USH2A: variants seen among roughly 807,000 people sequenced by gnomAD.
USH2A encodes the protein usherin.
USH2A carries 443 observed loss-of-function variants against 538.9 expected under a neutral mutation model. That is an observed-to-expected ratio of 0.82 (90% CI 0.76 to 0.89). The LOEUF (loss-of-function observed/expected upper bound fraction) is 0.89. Among genes scored for constraint, USH2A ranks in the 40% least tolerant of loss-of-function variants. The probability of loss-of-function intolerance (pLI) is 0.00; values close to 1 mark genes in which losing one functional copy is unlikely to be tolerated. For synonymous variants in USH2A, 2,413 were observed against 2,273.5 expected (o/e 1.06, Z -1.75); for missense variants, 6,633 against 6,324.8 (o/e 1.05, Z -1.65).
At chr1:216,130,068 T>G (rs1405959906) in intron 21 of USH2A, among the ~76,000 whole-genome samples, 2 of 151,986 alleles carry the variant, frequency 1.3e-5, no homozygotes, top group Non-Finnish European at 2.9e-5. Context: ...TTAAATAGGT[T>G]AAAGACTCAA....
intron 9 of USH2A, among the ~76,000 whole-genome samples, chr1:216,304,556 A>G (rs2037278449): frequency 6.6e-6 from 1 of 151,924 alleles, no homozygotes; most frequent in African/African-American, 2.4e-5. Flanking sequence ...TAAGTCAATA[A>G]GAGTGGGTTT....
chr1:215,941,584 T>G (rs1042808757), intron 37 of USH2A, among the ~76,000 whole-genome samples: 16 of 152,152 alleles, frequency 1.1e-4, no homozygotes. Flanking sequence ...ACACTGGACA[T>G]GAATACAACT....
intron 61 of USH2A, among the ~76,000 whole-genome samples, chr1:215,691,455 T>G (rs899308076): frequency 2.0e-5 from 3 of 152,150 alleles, no homozygotes; most frequent in African/African-American, 7.2e-5. Context: ...GCCTCTGTAC[T>G]GGCTGTTTTC....
chr1:215,774,282 T>A (rs960971744), intron 55 of USH2A, among the ~76,000 whole-genome samples: 1 of 152,014 alleles, frequency 6.6e-6, no homozygotes. Context: ...GGCCATAGCT[T>A]AGGCCCCTCT....
intron 47 of USH2A, among the ~76,000 whole-genome samples, chr1:215,829,110 G>A (rs1663242149): frequency 6.6e-6 from 1 of 152,132 alleles, no homozygotes; most frequent in African/African-American, 2.4e-5. Context: ...TCAGTAGTTA[G>A]TATTCTTTTG....
chr1:215,882,285 T>G (rs765950748), intron 41 of USH2A, among the ~76,000 whole-genome samples: 5 of 152,162 alleles, frequency 3.3e-5, no homozygotes, highest in Non-Finnish European at 5.9e-5. Flanking sequence ...AAGAGTATTT[T>G]GTCAATAGAA....
At chr1:215,659,011 A>G (rs1657356055) in intron 64 of USH2A, among the ~76,000 whole-genome samples, 2 of 152,230 alleles carry the variant, frequency 1.3e-5, no homozygotes, top group Admixed American at 1.3e-4. Context: ...AGCCATTTCT[A>G]TATGCCAGAT....
At chr1:215,964,989 A>G (rs1667301790) in intron 37 of USH2A, among the ~76,000 whole-genome samples, 2 of 152,162 alleles carry the variant, frequency 1.3e-5, no homozygotes, top group Non-Finnish European at 2.9e-5. Context: ...AAGAGTATAT[A>G]CTAGTTCTTC....
chr1:216,263,490 A>C lies in USH2A; in HGVS notation c.1972-12392T>G, dbSNP rs528411624. Among the ~76,000 whole-genome samples the C allele has an allele frequency of 2.0e-5, 3 of 152,286 alleles. No homozygotes were observed. In the South Asian group the frequency reaches 6.2e-4, roughly 32 times the overall value. On this transcript the variant is annotated intron_variant, in intron 11 of 71. Transcript: ENST00000307340. ...TGAGCAAATTGAATAAATGGGATAA[A>C]TAAAAGTATATCAACAGAATGAAGG...
At chr1:215,705,573 T>C (rs1427649985) in intron 61 of USH2A, among the ~76,000 whole-genome samples, 2 of 152,232 alleles carry the variant, frequency 1.3e-5, no homozygotes, top group African/African-American at 4.8e-5. Flanking sequence ...GAGATTTCTG[T>C]TCTGTTTTCT....
intron 61 of USH2A, among the ~76,000 whole-genome samples, chr1:215,712,578 A>G (rs1659368186): frequency 1.3e-5 from 2 of 152,296 alleles, no homozygotes; most frequent in Middle Eastern, 3.4e-3. Flanking sequence ...TAATATCTCA[A>G]GTCAACCTTT....
intron 56 of USH2A, among the ~76,000 whole-genome samples, chr1:215,761,068 C>T (rs1430685245): frequency 6.6e-6 from 1 of 152,208 alleles, no homozygotes; most frequent in African/African-American, 2.4e-5. Context: ...ATTCACAGAG[C>T]TGTGGCCATA....
intron 44 of USH2A, among the ~76,000 whole-genome samples, chr1:215,856,348 C>T (rs1482796400): frequency 6.6e-6 from 1 of 152,024 alleles, no homozygotes; most frequent in Admixed American, 6.6e-5. Context: ...AAGAAAAATA[C>T]AAACAATCAA....
At chr1:215,714,219 T>C (rs536103877) in intron 61 of USH2A, among the ~76,000 whole-genome samples, 36 of 152,226 alleles carry the variant, frequency 2.4e-4, no homozygotes, top group Non-Finnish European at 4.3e-4. Flanking sequence ...TGATTACAGG[T>C]TAGCAAGAAA....
At chr1:215,758,422 T>C (rs1660875461) in intron 58 of USH2A, among the ~76,000 whole-genome samples, 173 bp downstream of exon 58, 1 of 152,206 alleles carries the variant, frequency 6.6e-6, no homozygotes, top group Non-Finnish European at 1.5e-5. Context: ...TATGTATGTA[T>C]GTACTCATGC....
rs562848353 is a variant in USH2A, at chr1:216,160,577, G to C, written c.4627+14675C>G. Among the ~76,000 whole-genome samples the C allele has an allele frequency of 2.0e-5, 3 of 150,436 alleles. No individual in the cohort carries two copies. The East Asian group carries it at 6.0e-4, about 30-fold the overall frequency. On this transcript the variant is annotated intron_variant, in intron 21 of 71. Coordinates refer to ENST00000307340, the MANE Select transcript of USH2A (RefSeq NM_206933.4). ...GCTTGAGCCCAGGGGTTCAAGACCA[G>C]CCTGAGCAACACAGTAAGACCTCGT...
At chr1:216,281,391 C>CA (rs1010444617) in intron 11 of USH2A, among the ~76,000 whole-genome samples, 1 of 151,820 alleles carries the variant, frequency 6.6e-6, no homozygotes, top group Admixed American at 6.6e-5. Context: ...TTTTTAAAAC[C>CA]AAAAAAGTTA....
chr1:215,721,131 A>G (rs772981294), intron 61 of USH2A, among the ~76,000 whole-genome samples: 1 of 151,950 alleles, frequency 6.6e-6, no homozygotes, highest in Non-Finnish European at 1.5e-5. Context: ...CTGGAATGCA[A>G]TGGTGCAATC....
chr1:216,119,724 A>T (rs1016480812), intron 21 of USH2A, among the ~76,000 whole-genome samples: 14 of 152,140 alleles, frequency 9.2e-5, no homozygotes, highest in African/African-American at 3.1e-4. Flanking sequence ...CTTCCAGACT[A>T]CCTTCTGAGA....
Sources: gnomAD v4.1 joint callset for allele counts (sites outside exome capture counted in the v4.1 genomes callset) on GRCh38, gnomAD v4.1.1 for gene constraint, MANE v1.5 for transcripts, NCBI Gene and HGNC (gene_info 2026-07-23, HGNC 2026-07-21) for gene names.